Variants in ACTN2 observed in about 807,000 individuals in gnomAD.
The protein encoded by ACTN2 is actinin alpha 2.
ACTN2 carries 39 observed loss-of-function variants against 113.8 expected under a neutral mutation model. That is an observed-to-expected ratio of 0.34 (90% CI 0.27 to 0.45). The LOEUF (loss-of-function observed/expected upper bound fraction) is 0.45. Among genes scored for constraint, ACTN2 ranks in the 20% least tolerant of loss-of-function variants. The pLI, the probability that ACTN2 is intolerant of heterozygous loss-of-function variation, is 1.00. For synonymous variants in ACTN2, 429 were observed against 444.1 expected (o/e 0.97, Z 0.43); for missense variants, 992 against 1,177.9 (o/e 0.84, Z 2.31).
intron 11 of ACTN2, 64 bp from the exon 12 acceptor site, chr1:236,744,562 G>C: frequency 6.3e-7 from 1 of 1,586,122 alleles, no homozygotes; most frequent in Non-Finnish European, 8.6e-7. Context: ...CTGAGAATGT[G>C]GCTGGCATGA....
chr1:236,689,300 GATATATAT>G (rs57239117), intron 1 of ACTN2, among the ~76,000 whole-genome samples: 1,879 of 122,516 alleles, frequency 0.015, 31 homozygotes, highest in African/African-American at 0.038. Context: ...TTACAGATGT[GATATATAT>G]ATATATATAT....
intron 20 of ACTN2, among the ~76,000 whole-genome samples, chr1:236,761,386 C>T (rs1659703615): frequency 6.6e-6 from 1 of 151,972 alleles, no homozygotes; most frequent in Admixed American, 6.6e-5. Context: ...CGTGCTTGGC[C>T]TTGCATTGAG....
chr1:236,740,398 G>A, intron 10 of ACTN2, among the ~76,000 whole-genome samples: 1 of 151,458 alleles, frequency 6.6e-6, no homozygotes. Flanking sequence ...ACAGGCGTGA[G>A]CCACCACGCC....
At position 236,723,694 on chromosome 1, in the gene ACTN2, T is replaced by C. The variant is rs112698630; in HGVS notation, c.449-2239T>C. Among the ~76,000 whole-genome samples, 489 of 152,196 alleles carry C rather than the reference T, an allele frequency of 3.2e-3. 3 individuals are homozygous for C. Among genetic ancestry groups the C allele is most frequent in the African/African-American group, 0.011 (466 of 41,538 alleles). On this transcript the variant is annotated intron_variant, in intron 4 of 20. Transcript: ENST00000366578. ...TGGGTCTTGAACTCCTGACCTCAGG[T>C]AATCCACCAGCCTCGGCCTCCCAAA... is the stretch of plus-strand genomic sequence containing the variant.
At chr1:236,690,837 C>T (rs1476293723) in intron 1 of ACTN2, among the ~76,000 whole-genome samples, 4 of 152,046 alleles carry the variant, frequency 2.6e-5, no homozygotes, top group Non-Finnish European at 5.9e-5. Context: ...TGTTGTACAA[C>T]CATCACCACT....
intron 8 of ACTN2, among the ~76,000 whole-genome samples, chr1:236,736,157 T>C (rs1658868015): frequency 6.6e-6 from 1 of 152,236 alleles, no homozygotes; most frequent in African/African-American, 2.4e-5. Context: ...TTATTTTAAG[T>C]GAAATAGTGG....
At chr1:236,712,808 C>A (rs1421132135) in intron 1 of ACTN2, among the ~76,000 whole-genome samples, 1 of 152,070 alleles carries the variant, frequency 6.6e-6, no homozygotes, top group African/African-American at 2.4e-5. Context: ...ATTTAAATAA[C>A]AGACAAAGTA....
intron 4 of ACTN2, among the ~76,000 whole-genome samples, chr1:236,723,310 C>T (rs1039419821): frequency 6.6e-6 from 1 of 152,194 alleles, no homozygotes; most frequent in Admixed American, 6.5e-5. Flanking sequence ...AACAGTTTCA[C>T]TTTATTTTCC....
intron 9 of ACTN2, among the ~76,000 whole-genome samples, chr1:236,738,746 C>T (rs370250676): frequency 1.7e-4 from 26 of 152,352 alleles, no homozygotes; most frequent in East Asian, 1.3e-3. Context: ...TAGGGATTCA[C>T]TACCACGTTC....
chr1:236,727,815 A>T lies in ACTN2; in HGVS notation c.615+59A>T, dbSNP rs542323975. 2.6e-6 allele frequency: 4 copies of T among 1,535,858 alleles called. No homozygotes were observed. In the African/African-American group the frequency reaches 5.4e-5, roughly 21 times the overall value. ...AGCCACGCGTCTCAGCATGTCCTGC[A>T]AATGAGCACATCAGCACTAGCCTAG... On this transcript the variant is annotated intron_variant, in intron 6 of 20. Transcript: ENST00000366578.
chr1:236,689,300 GATATATATATATATATAT>G (rs57239117), intron 1 of ACTN2, among the ~76,000 whole-genome samples: 12,240 of 122,542 alleles, frequency 0.1, 657 homozygotes, highest in East Asian at 0.19. Context: ...TTACAGATGT[GATATATATATATATATAT>G]ATATATATAT....
chr1:236,761,629 C>A (rs1659712495), intron 20 of ACTN2, among the ~76,000 whole-genome samples: 1 of 152,194 alleles, frequency 6.6e-6, no homozygotes, highest in Non-Finnish European at 1.5e-5. Flanking sequence ...GCCGTTCAGT[C>A]AGTAAAAAAT....
At chr1:236,713,573 A>AG (rs71559976) in intron 1 of ACTN2, among the ~76,000 whole-genome samples, 30,567 of 151,780 alleles carry the variant, frequency 0.2, 3,819 homozygotes, top group African/African-American at 0.35. Flanking sequence ...AAGGGACCAA[A>AG]GGGAAAAAAA....
intron 1 of ACTN2, among the ~76,000 whole-genome samples, chr1:236,702,009 C>T (rs572992662): frequency 2.6e-5 from 4 of 152,194 alleles, no homozygotes; most frequent in South Asian, 2.1e-4. Flanking sequence ...CTGGTATCTG[C>T]GTAACTGGAT....
intron 1 of ACTN2, among the ~76,000 whole-genome samples, chr1:236,702,419 A>T (rs1451576462): frequency 1.3e-5 from 2 of 152,238 alleles, no homozygotes; most frequent in African/African-American, 4.8e-5. Context: ...TTTAGGAAAT[A>T]TTACATTTTA....
intron 1 of ACTN2, among the ~76,000 whole-genome samples, chr1:236,705,831 A>T (rs1488621395): frequency 1.3e-5 from 2 of 152,190 alleles, no homozygotes; most frequent in Non-Finnish European, 2.9e-5. Flanking sequence ...AAAACCCTGA[A>T]AAGAGTGTTT....
chr1:236,721,015 G>GGGTTTTTTTTTT lies in ACTN2; in HGVS notation c.448+824_448+825insGGTTTTTTTTTT. On this transcript the variant is annotated intron_variant, in intron 4 of 20. Coordinates refer to ENST00000366578, the MANE Select transcript of ACTN2 (RefSeq NM_001103.4). ...ACAGTAGCCTCTGACTCTGGTTTTT[G>GGGTTTTTTTTTT]TTTTTTGTTTTTTTTTTTTTTTTTT... Among the ~76,000 whole-genome samples, 10 of 49,136 alleles carry GGGTTTTTTTTTT rather than the reference G, an allele frequency of 2.0e-4. 1 individual carries two copies. The highest frequency in any genetic ancestry group is 3.1e-4 in the Non-Finnish European group (9 of 29,430). The allele number at this position is 49,136 out of a possible 152,430, so 32.2% of individuals were successfully genotyped here.
intron 18 of ACTN2, among the ~76,000 whole-genome samples, chr1:236,758,303 A>ATTTTTT (rs1349813845): frequency 7.4e-5 from 10 of 135,912 alleles, no homozygotes; most frequent in African/African-American, 3.2e-4. Flanking sequence ...TTTTTTTTTA[A>ATTTTTT]TGAGACGGAG....
intron 1 of ACTN2, among the ~76,000 whole-genome samples, chr1:236,702,797 G>A (rs1657715210): frequency 6.6e-6 from 1 of 152,142 alleles, no homozygotes; most frequent in Non-Finnish European, 1.5e-5. Flanking sequence ...ACTGTGGGCT[G>A]TTCCTTACTT....
Sources: gnomAD v4.1 joint callset for allele counts (sites outside exome capture counted in the v4.1 genomes callset) on GRCh38, gnomAD v4.1.1 for gene constraint, MANE v1.5 for transcripts, NCBI Gene and HGNC (gene_info 2026-07-23, HGNC 2026-07-21) for gene names.